The following GDA variants were observed in gnomAD, a reference collection of about 807,000 sequenced individuals.
GDA encodes the protein cytoplasmic PSD-95 interactor.
GDA carries 18 observed loss-of-function variants against 59.6 expected under a neutral mutation model. The observed-to-expected ratio is 0.30, with a 90% CI of 0.21 to 0.45. The LOEUF (loss-of-function observed/expected upper bound fraction) is 0.45. GDA is among the 20% of genes least tolerant of loss of function. The pLI is 1.00. For missense variants in GDA, 427 were observed against 552.3 expected, an observed-to-expected ratio of 0.77 and a Z score of 2.27; for synonymous variants, 201 against 201.1, an observed-to-expected ratio of 1.00 and a Z score of 0.00.
chr9:72,253,034 T>G (rs193126954), downstream of GDA, among the ~76,000 whole-genome samples: 27 of 152,278 alleles, frequency 1.8e-4, no homozygotes, highest in African/African-American at 6.3e-4. Flanking sequence ...CTAAATCAAG[T>G]GATATTACGG....
chr9:72,201,077 T>C (rs886732805), intron 2 of GDA, among the ~76,000 whole-genome samples: 1 of 152,220 alleles, frequency 6.6e-6, no homozygotes, highest in Non-Finnish European at 1.5e-5. Flanking sequence ...ATAACATTTA[T>C]TGATGCTTTC....
chr9:72,166,526 C>T (rs1257744069), intron 1 of GDA, among the ~76,000 whole-genome samples: 1 of 152,040 alleles, frequency 6.6e-6, no homozygotes, highest in African/African-American at 2.4e-5. Context: ...GAAGACAGAA[C>T]TTGAAATGTT....
At chr9:72,245,787 T>A (rs1840074391) in intron 12 of GDA, among the ~76,000 whole-genome samples, 1 of 152,224 alleles carries the variant, frequency 6.6e-6, no homozygotes, top group Non-Finnish European at 1.5e-5. Context: ...TTGAGCACTA[T>A]GCTATGTCAA....
intron 11 of GDA, among the ~76,000 whole-genome samples, chr9:72,242,164 G>A (rs1322884341): frequency 6.6e-6 from 1 of 152,056 alleles, no homozygotes; most frequent in Non-Finnish European, 1.5e-5. Flanking sequence ...CTAATCTGAT[G>A]CCAGCATGCA....
chr9:72,143,099 A>G (rs1052870909), intron 1 of GDA, among the ~76,000 whole-genome samples: 9 of 148,724 alleles, frequency 6.1e-5, no homozygotes, highest in African/African-American at 2.0e-4. Flanking sequence ...GTTGGAGCAT[A>G]AATGTACACA....
chr9:72,196,472 G>A (rs1167823633), intron 2 of GDA, among the ~76,000 whole-genome samples: 1 of 144,908 alleles, frequency 6.9e-6, no homozygotes, highest in Admixed American at 6.8e-5. Flanking sequence ...GGGTGAAAGA[G>A]CAAGACTCTG....
At chr9:72,122,458 C>T (rs12353208) in intron 1 of GDA, among the ~76,000 whole-genome samples, 17,925 of 151,834 alleles carry the variant, frequency 0.12, 2,186 homozygotes, top group African/African-American at 0.31. Flanking sequence ...ATGTCTTGCA[C>T]ATAGAAAGTT....
Position 72,213,868 on chromosome 9 carries a change from T to C in GDA, c.473-18T>C. 1 of 1,386,136 alleles carries C rather than the reference T, an allele frequency of 7.2e-7. No homozygotes were observed. Among genetic ancestry groups the C allele is most frequent in the Non-Finnish European group, 1.0e-6 (1 of 974,496 alleles). 85.9% of individuals were successfully genotyped at this position (1,386,136 alleles called of 1,614,324 possible). A position where few individuals can be genotyped will look rare whatever the true frequency, so the allele number is the denominator to read the frequency against. ...GAAACAAACATGCCTTCATATTCTT[T>C]TTGTGTATACTTTACAGATAAATTT... is the stretch of plus-strand genomic sequence containing the variant. On this transcript the variant is annotated intron_variant, in intron 4 of 13. Transcript: ENST00000358399.
chr9:72,210,282 A>C (rs946437368), intron 3 of GDA, among the ~76,000 whole-genome samples: 1 of 152,194 alleles, frequency 6.6e-6, no homozygotes, highest in Admixed American at 6.5e-5. Context: ...GAAGGAAAGG[A>C]GATAGATATA....
At position 72,244,364 on chromosome 9, in the gene GDA, T is replaced by A. The variant is rs1470997979; in HGVS notation, c.1136-784T>A. On this transcript the variant is annotated intron_variant, in intron 11 of 13. Transcript: ENST00000358399. ...CCATCTTTCTGAAACTAAATCATAA[T>A]AATGAGAGATGTTCTTCCTTGATAT... Among the ~76,000 whole-genome samples the A allele has an allele frequency of 2.0e-5, 3 of 152,228 alleles. No homozygotes were observed. The East Asian group carries it at 5.8e-4, about 29-fold the overall frequency.
At chr9:72,137,372 G>A (rs1333549543) in intron 1 of GDA, among the ~76,000 whole-genome samples, 1 of 145,158 alleles carries the variant, frequency 6.9e-6, no homozygotes, top group Non-Finnish European at 1.5e-5. Flanking sequence ...TCAGCCTCCC[G>A]AGTAGCTGGG....
intron 12 of GDA, among the ~76,000 whole-genome samples, chr9:72,246,695 G>A (rs578180591): frequency 3.9e-5 from 6 of 152,020 alleles, no homozygotes; most frequent in African/African-American, 1.4e-4. Context: ...CACCCCTTAC[G>A]TGATGGTCTT....
intron 12 of GDA, among the ~76,000 whole-genome samples, chr9:72,246,250 C>G (rs1190149950): frequency 6.6e-6 from 1 of 152,158 alleles, no homozygotes; most frequent in Non-Finnish European, 1.5e-5. Flanking sequence ...TGGGTTCAAG[C>G]AGCTCTCCTG....
At chr9:72,120,080 C>T (rs115414513) in intron 1 of GDA, among the ~76,000 whole-genome samples, 1,808 of 152,248 alleles carry the variant, frequency 0.012, 30 homozygotes, top group African/African-American at 0.041. Context: ...GCTTCTCTCT[C>T]CTTGCCAGTG....
At chr9:72,180,621 T>A (rs941315650) in intron 1 of GDA, among the ~76,000 whole-genome samples, 2 of 152,238 alleles carry the variant, frequency 1.3e-5, no homozygotes, top group African/African-American at 4.8e-5. Context: ...TTTGCTTGTT[T>A]GATGATTTCA....
In GDA at chr9:72,201,193, A is replaced by ATT. The variant is rs34021514; in HGVS notation, c.213-1364_213-1363dup. Among the ~76,000 whole-genome samples the ATT allele has an allele frequency of 6.0e-3, 890 of 148,834 alleles. 7 individuals carry two copies. Among genetic ancestry groups the ATT allele is most frequent in the African/African-American group, 0.021 (841 of 40,478 alleles). On this transcript the variant is annotated intron_variant, in intron 2 of 13. Transcript: ENST00000358399. ...ATAAGGGGAAACTGAGTCACACAGA[A>ATT]TTTTTTTTTTTTTTTAATATGTCAA...
chr9:72,234,797 T>G (rs947852146), intron 10 of GDA, among the ~76,000 whole-genome samples: 1 of 152,172 alleles, frequency 6.6e-6, no homozygotes, highest in African/African-American at 2.4e-5. Context: ...AAAAAGTCAA[T>G]TATCAACAAA....
chr9:72,123,579 C>T (rs2130585037), intron 1 of GDA, among the ~76,000 whole-genome samples: 1 of 151,486 alleles, frequency 6.6e-6, no homozygotes, highest in South Asian at 2.1e-4. Context: ...CCTCCATCTC[C>T]CGGGTTCAAG....
chr9:72,201,184 TCA>T (rs1339600818), intron 2 of GDA, among the ~76,000 whole-genome samples: 1 of 141,824 alleles, frequency 7.1e-6, no homozygotes, highest in Non-Finnish European at 1.5e-5. Context: ...GGAAACTGAG[TCA>T]CACAGAATTT....
Sources: allele counts gnomAD v4.1 joint callset (sites outside exome capture counted in the v4.1 genomes callset), GRCh38; gene constraint gnomAD v4.1.1; transcripts MANE v1.5; gene names NCBI Gene and HGNC (gene_info 2026-07-23, HGNC 2026-07-21).